ISL1: variants seen among roughly 807,000 people sequenced by gnomAD.
ISL1 encodes the protein ISL LIM homeobox 1, also known as insulin gene enhancer protein ISL-1.
A neutral mutation model predicts 35.3 loss-of-function variants in ISL1; 4 were observed. That is an observed-to-expected ratio of 0.11 (90% confidence interval 0.06 to 0.26). ISL1 has a LOEUF of 0.26. ISL1 is among the 10% of genes least tolerant of loss of function. The probability of loss-of-function intolerance (pLI) is 1.00; values close to 1 mark genes in which losing one functional copy is unlikely to be tolerated. For missense variants in ISL1, 340 were observed against 472.8 expected (o/e 0.72, Z 2.60); for synonymous variants, 186 against 172.3 (o/e 1.08, Z -0.62).
In ISL1 at chr5:51,387,824, G is replaced by A; in HGVS notation, c.478+75G>A. The A allele has an allele frequency of 6.4e-7, 1 of 1,566,932 alleles. No individual in the cohort carries two copies. Among genetic ancestry groups the A allele is most frequent in the East Asian group, 2.3e-5 (1 of 43,458 alleles). On this transcript the variant is annotated intron_variant, in intron 3 of 5. Coordinates refer to ENST00000230658, the MANE Select transcript of ISL1 (RefSeq NM_002202.3). This position sits in a 1 kb window ranked among gnomAD's most constrained non-coding sequence, Gnocchi z 4.3. ...GTGTGCCAGCGGCCACAACAACTAT[G>A]GTAGCTACAGGGGTGGTCGTAGTGT...
rs1036923199 is a variant in ISL1, at chr5:51,384,411, AAAAAAAAG to A, written c.29-126_29-119del. 1.1e-5 allele frequency: 9 copies of A among 793,534 alleles called. No homozygotes were observed. In the Admixed American group the frequency reaches 1.7e-4, roughly 15 times the overall value. 49.2% of individuals were successfully genotyped at this position (793,534 alleles called of 1,614,324 possible). The stretch of plus-strand genomic sequence containing the variant: ...CCCAAAGTGCAATGCTCTAAAAAAA[AAAAAAAAG>A]AAAGAAAGAAAGAAAGAAAAAAACC... On this transcript the variant is annotated intron_variant, in intron 1 of 5. Coordinates refer to ENST00000230658, the MANE Select transcript of ISL1 (RefSeq NM_002202.3).
rs975007972 is a variant in ISL1 at position 51,389,259 on chromosome 5, G to A, written c.479-387G>A. ...GCCCAGTCTGGGCACAAGGAAAGGT[G>A]AGAATGGAGGAGAAACAGTGCTGAA... is the stretch of plus-strand genomic sequence containing the variant. On this transcript the variant is annotated intron_variant, in intron 3 of 5. Transcript: ENST00000230658. The surrounding 1 kb of genome is among the most constrained non-coding windows in gnomAD (Gnocchi z 5.0). Among the ~76,000 whole-genome samples the A allele has an allele frequency of 6.6e-6, 1 of 152,120 alleles. No individual in the cohort carries two copies. The highest frequency in any genetic ancestry group is 2.4e-5 in the African/African-American group (1 of 41,430).
chr5:51,386,005 C>T (rs1747333431), intron 2 of ISL1, among the ~76,000 whole-genome samples: 1 of 151,608 alleles, frequency 6.6e-6, no homozygotes, highest in South Asian at 2.1e-4. Context: ...GTTAATACTT[C>T]GGAGAGGGAG....
At position 51,391,460 on chromosome 5, in the gene ISL1, A is replaced by G. The variant is rs1747512459; in HGVS notation, c.933+19A>G. 2.5e-6 allele frequency: 4 copies of G among 1,613,606 alleles called. No homozygotes were observed. The highest frequency in any genetic ancestry group is 1.6e-4 in the Middle Eastern group (1 of 6,082). On this transcript the variant is annotated intron_variant, in intron 5 of 5. Transcript: ENST00000230658. Reference sequence around the variant, plus strand: ...GCAACTGGTAAGTGTCAGCTCCCAGATGGAAGAGGCTGAATTCCCAACAGG... The same window carrying G: ...GCAACTGGTAAGTGTCAGCTCCCAGGTGGAAGAGGCTGAATTCCCAACAGG...
rs1747453086 is a variant in ISL1, at chr5:51,390,054, G to C, written c.765+122G>C. On this transcript the variant is annotated intron_variant, in intron 4 of 5. Transcript: ENST00000230658. ...CTGCTCCTGGGCAGGAGTTTGGCCG[G>C]GGCTGCCCCTCATCCTTACCCCCCT... 5.8e-6 allele frequency: 7 copies of C among 1,198,680 alleles called. No individual in the cohort carries two copies. The South Asian group carries it at 1.0e-4, about 18-fold the overall frequency. 74.3% of individuals were successfully genotyped at this position (1,198,680 alleles called of 1,614,324 possible).
At chr5:51,390,636 C>CCTTTTTTTTTTTTTTTTT (rs1747475980) in intron 4 of ISL1, among the ~76,000 whole-genome samples, 10 of 74,322 alleles carry the variant, frequency 1.3e-4, no homozygotes, top group African/African-American at 4.2e-4. Flanking sequence ...TCTTTTCTTT[C>CCTTTTTTTTTTTTTTTTT]TTTTTCTTTT....
Position 51,389,438 on chromosome 5 carries a change from C to T in ISL1, c.479-208C>T, listed in dbSNP as rs1005304067. ...GATTAGAGAGGAAGATTTTATTCTCCCTTTCACCCTCTTCGCCCCCACCTC... is the reference window on the plus strand; with the variant it reads ...GATTAGAGAGGAAGATTTTATTCTCTCTTTCACCCTCTTCGCCCCCACCTC... On this transcript the variant is annotated intron_variant, in intron 3 of 5. Transcript: ENST00000230658. The surrounding 1 kb of genome is among the most constrained non-coding windows in gnomAD (Gnocchi z 5.0). 4.3e-4 allele frequency among the ~76,000 whole-genome samples: 65 copies of T among 152,124 alleles called. No homozygotes were observed. The highest frequency in any genetic ancestry group is 3.2e-3 in the Admixed American group (49 of 15,304).
In ISL1 at chr5:51,391,303, G is replaced by A; in HGVS notation, c.795G>A (p.Met265Ile). ...TCCAGGGGATGACAGGAACTCCCATGGTGGCTGCCAGTCCAGAGAGACACG... is the reference window on the plus strand; with the variant it reads ...TCCAGGGGATGACAGGAACTCCCATAGTGGCTGCCAGTCCAGAGAGACACG... The part of the protein sequence containing the change: ...TNIQGMTGTP[M>I]VAASPERHDG... The change falls in exon 5 of 6, where the codon ATG becomes ATA. Residue 265 changes from methionine (M) to isoleucine (I), a missense_variant. Transcript: ENST00000230658. 1 of 1,613,190 alleles carries A rather than the reference G, an allele frequency of 6.2e-7. No individual in the cohort carries two copies. The highest frequency in any genetic ancestry group is 1.3e-5 in the African/African-American group (1 of 75,000).
rs1747475980 is a variant in ISL1, at chr5:51,390,636, C to CCTTTTTTTTTTTTTTTTTTTTT, written c.766-638_766-637insCTTTTTTTTTTTTTTTTTTTTT. On this transcript the variant is annotated intron_variant, in intron 4 of 5. Coordinates refer to ENST00000230658, the MANE Select transcript of ISL1 (RefSeq NM_002202.3). Reference sequence around the variant, plus strand: ...TTTTCTTCCTTTTTTTCTTTTCTTTCTTTTTCTTTTTTTTTTTTTTTTTTT... The same window carrying CCTTTTTTTTTTTTTTTTTTTTT: ...TTTTCTTCCTTTTTTTCTTTTCTTTCCTTTTTTTTTTTTTTTTTTTTTTTTTTCTTTTTTTTTTTTTTTTTTT... 1.6e-4 allele frequency among the ~76,000 whole-genome samples: 12 copies of CCTTTTTTTTTTTTTTTTTTTTT among 74,324 alleles called. 1 individual carries two copies. The highest frequency in any genetic ancestry group is 4.7e-4 in the African/African-American group (11 of 23,648). 48.8% of individuals were successfully genotyped at this position (74,324 alleles called of 152,430 possible). A position where few individuals can be genotyped will look rare whatever the true frequency, so the allele number is the denominator to read the frequency against.
In ISL1 at chr5:51,387,871, G is replaced by GT; in HGVS notation, c.478+124dup. ...GTGTTTGCCTGCAGTTAAATGAAGT[G>GT]TTCTGTATGCAATTTGCGCTGTGCT... On this transcript the variant is annotated intron_variant, in intron 3 of 5. Coordinates refer to ENST00000230658, the MANE Select transcript of ISL1 (RefSeq NM_002202.3). The surrounding 1 kb of genome is among the most constrained non-coding windows in gnomAD (Gnocchi z 4.3). The GT allele has an allele frequency of 7.7e-7, 1 of 1,302,848 alleles. No individual in the cohort carries two copies. The highest frequency in any genetic ancestry group is 1.5e-5 in the African/African-American group (1 of 68,686). 80.7% of individuals were successfully genotyped at this position (1,302,848 alleles called of 1,614,324 possible).
At chr5:51,383,970 A>T (rs1747276243) in intron 1 of ISL1, among the ~76,000 whole-genome samples, 3 of 152,138 alleles carry the variant, frequency 2.0e-5, no homozygotes, top group Admixed American at 2.0e-4. Context: ...CTCCTGGGGA[A>T]TCCTGAGCTC....
chr5:51,384,782 C>T (rs1214604214), intron 2 of ISL1, 52 bp downstream of exon 2: 1 of 1,500,372 alleles, frequency 6.7e-7, no homozygotes, highest in Non-Finnish European at 9.3e-7. Context: ...CTGAATCTCC[C>T]CACTCTTTAT....
At chr5:51,391,547 AG>A (rs1747515451) in intron 5 of ISL1, 106 bp downstream of exon 5, 1 of 1,291,458 alleles carries the variant, frequency 7.7e-7, no homozygotes, top group Non-Finnish European at 1.1e-6. Flanking sequence ...TCTTGGGCTC[AG>A]GGTTGGGGAG....
intron 4 of ISL1, among the ~76,000 whole-genome samples, chr5:51,391,011 G>T (rs1442478015): frequency 6.6e-6 from 1 of 151,870 alleles, no homozygotes; most frequent in Non-Finnish European, 1.5e-5. Flanking sequence ...TGAAGGTAAG[G>T]GGGAAGAAGA....
Position 51,387,381 on chromosome 5 carries a change from C to A in ISL1, c.219-109C>A. 3.5e-6 allele frequency: 4 copies of A among 1,154,784 alleles called. No individual in the cohort carries two copies. Among genetic ancestry groups the A allele is most frequent in the Non-Finnish European group, 3.8e-6 (3 of 786,900 alleles). 71.5% of individuals were successfully genotyped at this position (1,154,784 alleles called of 1,614,324 possible). A position where few individuals can be genotyped will look rare whatever the true frequency, so the allele number is the denominator to read the frequency against. ...GTTTGGAAATGCTGTTTACTTGGGG[C>A]GTCTTGCCCGGGATCTTGGGCCAGG... On this transcript the variant is annotated intron_variant, in intron 2 of 5. Coordinates refer to ENST00000230658, the MANE Select transcript of ISL1 (RefSeq NM_002202.3). This position sits in a 1 kb window ranked among gnomAD's most constrained non-coding sequence, Gnocchi z 4.3.
Position 51,389,562 on chromosome 5 carries a change from C to T in ISL1, c.479-84C>T. 1.7e-6 allele frequency: 2 copies of T among 1,199,920 alleles called. No individual in the cohort carries two copies. Among genetic ancestry groups the T allele is most frequent in the Non-Finnish European group, 1.1e-6 (1 of 928,368 alleles). 74.3% of individuals were successfully genotyped at this position (1,199,920 alleles called of 1,614,324 possible). ...GTAAGCGGGCGGGCGGGCGGGCAAGCGAGCGAGCGAGCGAGCGCGCGACCG... is the reference window on the plus strand; with the variant it reads ...GTAAGCGGGCGGGCGGGCGGGCAAGTGAGCGAGCGAGCGAGCGCGCGACCG... On this transcript the variant is annotated intron_variant, in intron 3 of 5. Coordinates refer to ENST00000230658, the MANE Select transcript of ISL1 (RefSeq NM_002202.3). The surrounding 1 kb of genome is among the most constrained non-coding windows in gnomAD (Gnocchi z 5.0).
rs376320342 is a variant in ISL1 at position 51,389,789 on chromosome 5, G to T, written c.622G>T (p.Ala208Ser). The T allele has an allele frequency of 3.7e-6, 6 of 1,614,098 alleles. No homozygotes were observed. Among genetic ancestry groups the T allele is most frequent in the Non-Finnish European group, 5.1e-6 (6 of 1,180,040 alleles). The change falls in exon 4 of 6, where the codon GCG becomes TCG. Residue 208 changes from alanine (A) to serine (S), a missense_variant. This residue lies in a region of ISL1 where 24 missense variants were observed against 59.7 expected (regional missense o/e 0.40). Coordinates refer to ENST00000230658, the MANE Select transcript of ISL1 (RefSeq NM_002202.3). The surrounding 1 kb of genome is among the most constrained non-coding windows in gnomAD (Gnocchi z 5.0). ...CTACGCCGCAAACCCGCGGCCAGAT[G>T]CGCTCATGAAGGAGCAACTGGTAGA... ...TCYAANPRPD[A>S]LMKEQLVEMT... is the part of the protein sequence containing the mutation.
In ISL1 at chr5:51,389,949, C is replaced by T. The variant is rs376268850; in HGVS notation, c.765+17C>T. On this transcript the variant is annotated intron_variant, in intron 4 of 5. Transcript: ENST00000230658. This position sits in a 1 kb window ranked among gnomAD's most constrained non-coding sequence, Gnocchi z 5.0. ...GACAAAACTGTGAGTGGCTCTGGGG[C>T]CGGGCAGGGAATGCGAGGGGGAAGG... 3.1e-6 allele frequency: 5 copies of T among 1,611,546 alleles called. No individual in the cohort carries two copies. In the African/African-American group the frequency reaches 5.3e-5, roughly 17 times the overall value.
chr5:51,384,884 A>C (rs759030487), intron 2 of ISL1, among the ~76,000 whole-genome samples, 154 bp downstream of exon 2: 1 of 152,138 alleles, frequency 6.6e-6, no homozygotes, highest in Non-Finnish European at 1.5e-5. Flanking sequence ...TAAAAAAATC[A>C]AGCTATGCTG....
Sources: allele counts gnomAD v4.1 joint callset (sites outside exome capture counted in the v4.1 genomes callset), GRCh38; gene constraint gnomAD v4.1.1; regional missense constraint gnomAD v4.1.1; non-coding constraint Gnocchi (gnomAD v3.1); transcripts MANE v1.5; gene names NCBI Gene and HGNC (gene_info 2026-07-23, HGNC 2026-07-21).